Variants in CSMD1 observed in about 807,000 individuals in gnomAD.
The protein encoded by CSMD1 is CUB and Sushi multiple domains 1.
In CSMD1, 213 loss-of-function variants were observed where a neutral mutation model predicts 417.5. That is an observed-to-expected ratio of 0.51 (90% CI 0.46 to 0.57). The LOEUF (loss-of-function observed/expected upper bound fraction) is 0.57, where lower values mean the gene tolerates loss of function less well. Ranked by LOEUF, CSMD1 falls within the 20% of genes least tolerant of loss-of-function variation. The pLI, the probability that CSMD1 is intolerant of heterozygous loss-of-function variation, is 0.00. For synonymous variants in CSMD1, 2,862 were observed against 1,736.8 expected (o/e 1.65, Z -16.11); for missense variants, 6,923 against 4,529.7 (o/e 1.53, Z -15.17).
At position 4,042,815 on chromosome 8, in the gene CSMD1, T is replaced by TAAAAAAAAAAAAAAAAAAAA. The variant is rs60411612; in HGVS notation, c.416-10736_416-10717dup. On this transcript the variant is annotated intron_variant, in intron 3 of 69. Transcript: ENST00000635120. ...CAATAGGTGAAGTGGTACAACATAT[T>TAAAAAAAAAAAAAAAAAAAA]AAAAAAAAAAAAAAAAAAAAAAAAA... Among the ~76,000 whole-genome samples, 47 of 41,312 alleles carry TAAAAAAAAAAAAAAAAAAAA rather than the reference T, an allele frequency of 1.1e-3. 12 individuals carry two copies. The highest frequency in any genetic ancestry group is 2.3e-3 in the African/African-American group (24 of 10,346). 27.1% of individuals were successfully genotyped at this position (41,312 alleles called of 152,430 possible). A position where few individuals can be genotyped will look rare whatever the true frequency, so the allele number is the denominator to read the frequency against.
intron 14 of CSMD1, among the ~76,000 whole-genome samples, chr8:3,406,702 T>C (rs776127488): frequency 1.3e-5 from 2 of 152,216 alleles, no homozygotes; most frequent in Non-Finnish European, 2.9e-5. Context: ...AAACAATTAT[T>C]GTCCAATTCT....
chr8:3,893,988 C>T (rs1450334578), intron 5 of CSMD1, among the ~76,000 whole-genome samples: 1 of 152,032 alleles, frequency 6.6e-6, no homozygotes, highest in African/African-American at 2.4e-5. Context: ...CACCTCTTCC[C>T]ATCTCCTTAT....
At chr8:3,500,707 T>A (rs139621559) in intron 10 of CSMD1, among the ~76,000 whole-genome samples, 1 of 152,148 alleles carries the variant, frequency 6.6e-6, no homozygotes, top group South Asian at 2.1e-4. Flanking sequence ...GTGAATTAGA[T>A]GAGCTCTAAG....
At chr8:4,072,847 C>T (rs1371017639) in intron 3 of CSMD1, among the ~76,000 whole-genome samples, 1 of 152,166 alleles carries the variant, frequency 6.6e-6, no homozygotes, top group Non-Finnish European at 1.5e-5. Context: ...TCCACTACAA[C>T]AATTTAGAAG....
rs142833289 is a variant in CSMD1, at chr8:4,586,099, G to T, written c.302+51243C>A. 5.0e-3 allele frequency among the ~76,000 whole-genome samples: 764 copies of T among 152,294 alleles called. 2 individuals are homozygous for T. Among genetic ancestry groups the T allele is most frequent in the Middle Eastern group, 0.014 (4 of 294 alleles). ...TTCACACAAGCATACAACGTGTAAT[G>T]ATGAGATCAGGGTAATTGGCTATCC... On this transcript the variant is annotated intron_variant, in intron 2 of 69. Transcript: ENST00000635120.
chr8:4,678,397 C>T (rs1805829712), intron 1 of CSMD1, among the ~76,000 whole-genome samples: 1 of 151,726 alleles, frequency 6.6e-6, no homozygotes, highest in Non-Finnish European at 1.5e-5. Flanking sequence ...GGCAACAGAG[C>T]AAGACTCTGT....
chr8:4,195,791 A>C (rs1799301566), intron 3 of CSMD1, among the ~76,000 whole-genome samples: 1 of 152,182 alleles, frequency 6.6e-6, no homozygotes, highest in African/African-American at 2.4e-5. Flanking sequence ...AACCTGAATG[A>C]GCTTGGATGC....
intron 1 of CSMD1, among the ~76,000 whole-genome samples, chr8:4,905,053 G>A (rs761553916): frequency 6.6e-6 from 1 of 152,104 alleles, no homozygotes; most frequent in Non-Finnish European, 1.5e-5. Context: ...ACCTTCTGAA[G>A]CTCTCAAACA....
chr8:4,004,808 G>A (rs1047456732), intron 4 of CSMD1, among the ~76,000 whole-genome samples: 4 of 152,062 alleles, frequency 2.6e-5, no homozygotes, highest in Admixed American at 1.3e-4. Flanking sequence ...GCAGTGGCGC[G>A]ATCTTGGCTC....
At chr8:4,463,284 G>T (rs1319705558) in intron 2 of CSMD1, among the ~76,000 whole-genome samples, 2 of 152,174 alleles carry the variant, frequency 1.3e-5, no homozygotes, top group South Asian at 4.1e-4. Context: ...AAGACAGTTA[G>T]TAAGTGTTGG....
At chr8:4,829,879 C>G (rs1800049738) in intron 1 of CSMD1, among the ~76,000 whole-genome samples, 1 of 152,148 alleles carries the variant, frequency 6.6e-6, no homozygotes, top group Non-Finnish European at 1.5e-5. Context: ...ACAAAGTTTA[C>G]TTTGAATGAG....
intron 10 of CSMD1, among the ~76,000 whole-genome samples, chr8:3,527,412 G>A (rs896331612): frequency 6.6e-6 from 1 of 152,076 alleles, no homozygotes; most frequent in Non-Finnish European, 1.5e-5. Flanking sequence ...AAAATTATAG[G>A]GATGGGAACT....
chr8:3,847,477 G>T (rs1005687673), intron 5 of CSMD1, among the ~76,000 whole-genome samples: 2 of 152,080 alleles, frequency 1.3e-5, no homozygotes, highest in African/African-American at 4.8e-5. Context: ...ATACTTGCAA[G>T]GAGCTGAGTT....
intron 25 of CSMD1, among the ~76,000 whole-genome samples, chr8:3,301,838 A>G (rs988402559): frequency 2.0e-5 from 3 of 152,196 alleles, no homozygotes; most frequent in Non-Finnish European, 4.4e-5. Flanking sequence ...AGAGAAGACT[A>G]AAGTAACAGG....
intron 2 of CSMD1, among the ~76,000 whole-genome samples, chr8:4,555,985 T>C (rs946894401): frequency 6.6e-6 from 1 of 152,138 alleles, no homozygotes; most frequent in Non-Finnish European, 1.5e-5. Flanking sequence ...ATGATTGATT[T>C]TCTGTAAGTA....
chr8:3,239,534 A>G (rs544647642), intron 26 of CSMD1, among the ~76,000 whole-genome samples: 1 of 152,208 alleles, frequency 6.6e-6, no homozygotes, highest in African/African-American at 2.4e-5. Context: ...AGTCTTGGGC[A>G]GGGGCAAATC....
chr8:4,618,753 G>A (rs562909182), intron 2 of CSMD1, among the ~76,000 whole-genome samples: 1 of 152,204 alleles, frequency 6.6e-6, no homozygotes, highest in East Asian at 1.9e-4. Context: ...TAAAAATGTT[G>A]CCACCTTTCA....
chr8:4,402,360 C>G (rs543947431), intron 3 of CSMD1, among the ~76,000 whole-genome samples: 20 of 152,174 alleles, frequency 1.3e-4, no homozygotes, highest in African/African-American at 4.8e-4. Flanking sequence ...TGACTGCACC[C>G]TCAATTCCCT....
chr8:4,352,302 T>C (rs749807173), intron 3 of CSMD1, among the ~76,000 whole-genome samples: 2 of 152,182 alleles, frequency 1.3e-5, no homozygotes, highest in East Asian at 1.9e-4. Flanking sequence ...ATTTAGAAAA[T>C]AGAACTATCT....
Sources: allele counts gnomAD v4.1 joint callset (sites outside exome capture counted in the v4.1 genomes callset), GRCh38; gene constraint gnomAD v4.1.1; transcripts MANE v1.5; gene names NCBI Gene and HGNC (gene_info 2026-07-23, HGNC 2026-07-21).